Variants in EIF3A observed in about 807,000 individuals in gnomAD.
EIF3A encodes eukaryotic translation initiation factor 3 subunit A, also known as EIF3, p180 subunit.
EIF3A carries 21 observed loss-of-function variants against 186.6 expected under a neutral mutation model. The observed-to-expected ratio is 0.11, with a 90% CI of 0.08 to 0.16. The LOEUF (loss-of-function observed/expected upper bound fraction) is 0.16, where lower values mean the gene tolerates loss of function less well. Ranked by LOEUF, EIF3A falls within the 10% of genes least tolerant of loss-of-function variation. EIF3A has a pLI of 1.00. For missense variants in EIF3A, 1,306 were observed against 1,796.3 expected, an observed-to-expected ratio of 0.73 and a Z score of 4.93; for synonymous variants, 563 against 584.3, an observed-to-expected ratio of 0.96 and a Z score of 0.52.
chr10:119,059,574 C>T (rs1407510363), intron 10 of EIF3A, 28 bp downstream of exon 10: 2 of 1,554,942 alleles, frequency 1.3e-6, no homozygotes, highest in Non-Finnish European at 1.8e-6. Context: ...CAAGGGCCTT[C>T]TCCTGTCTCC....
chr10:119,062,542 T>C (rs1843906070), intron 7 of EIF3A, among the ~76,000 whole-genome samples: 1 of 152,162 alleles, frequency 6.6e-6, no homozygotes. Context: ...GGTATCCTTC[T>C]AGAAGTCTAC....
intron 17 of EIF3A, among the ~76,000 whole-genome samples, chr10:119,046,860 G>A (rs1289457075): frequency 1.3e-5 from 2 of 152,182 alleles, no homozygotes; most frequent in African/African-American, 2.4e-5. Flanking sequence ...GGGAGGCTGA[G>A]GCAGGAGAAT....
chr10:119,038,941 G>GA (rs1050999595), intron 19 of EIF3A, among the ~76,000 whole-genome samples: 5 of 150,568 alleles, frequency 3.3e-5, no homozygotes, highest in Admixed American at 6.6e-5. Context: ...AACAGGAAAA[G>GA]AAAAAAAAAT....
chr10:119,036,585 C>T (rs940566292), intron 21 of EIF3A, among the ~76,000 whole-genome samples: 2 of 152,074 alleles, frequency 1.3e-5, no homozygotes, highest in African/African-American at 2.4e-5. Flanking sequence ...AATTTTATAA[C>T]TGAAAGGATT....
In EIF3A at chr10:119,066,505, C is replaced by CAAAAAAAA. The variant is rs71016533; in HGVS notation, c.951-943_951-936dup. ...GCCTGGGGGGCAGAGTTAAGACTGT[C>CAAAAAAAA]AAAAAAAAAAAAAAAAAAAAAAAAA... is the stretch of plus-strand genomic sequence containing the variant. On this transcript the variant is annotated intron_variant, in intron 6 of 21. Coordinates refer to ENST00000369144, the MANE Select transcript of EIF3A (RefSeq NM_003750.4). 8.4e-5 allele frequency among the ~76,000 whole-genome samples: 4 copies of CAAAAAAAA among 47,498 alleles called. No homozygotes were observed. In the East Asian group the frequency reaches 2.6e-3, roughly 31 times the overall value. The allele number at this position is 47,498 out of a possible 152,430, so 31.2% of individuals were successfully genotyped here.
chr10:119,079,778 G>GA (rs1214513574), intron 1 of EIF3A, among the ~76,000 whole-genome samples: 2 of 152,126 alleles, frequency 1.3e-5, no homozygotes, highest in African/African-American at 4.8e-5. Context: ...GAAAAAAAGA[G>GA]AAAAAAGGAC....
At chr10:119,080,506 G>A (rs1252790851) in intron 1 of EIF3A, 122 bp downstream of exon 1, 7 of 1,405,960 alleles carry the variant, frequency 5.0e-6, no homozygotes, top group Non-Finnish European at 6.4e-6. Context: ...GCGGCGGGCA[G>A]GCCGCATCGG....
In EIF3A at chr10:119,080,659, C is replaced by T; in HGVS notation, c.18G>A (p.Gln6=). The change falls in exon 1 of 22, where the codon CAG becomes CAA. Residue 6 remains glutamine (Q), a synonymous_variant. Coordinates refer to ENST00000369144, the MANE Select transcript of EIF3A (RefSeq NM_003750.4). The stretch of plus-strand genomic sequence containing the variant: ...CGCGTTTGAGGGCATTTTCCGGCCT[C>T]TGAAAATAGGCCGGCATCTTGGCGG... MPAYF[Q]RPENALKRAN... is the part of the protein sequence containing the mutation. The T allele has an allele frequency of 6.3e-7, 1 of 1,596,744 alleles. No homozygotes were observed. Among genetic ancestry groups the T allele is most frequent in the Non-Finnish European group, 8.5e-7 (1 of 1,172,950 alleles).
chr10:119,065,444 T>C lies in EIF3A; in HGVS notation c.1077A>G (p.Leu359=). 1.2e-6 allele frequency: 2 copies of C among 1,613,862 alleles called. No homozygotes were observed. Among genetic ancestry groups the C allele is most frequent in the South Asian group, 1.1e-5 (1 of 91,070 alleles). ...VEKQRRLATL[L]GLQAPPTRIG... is the part of the protein sequence containing the mutation. ...TTCGTGTCGGTGGGGCTTGAAGACC[T>C]AGTAGTGTTGCAAGGCGACGCTGTT... is the stretch of plus-strand genomic sequence containing the variant. Residue 359 remains leucine (L), a synonymous_variant, in exon 7 of 22, where the codon CTA becomes CTG. Transcript: ENST00000369144.
chr10:119,065,887 G>A lies in EIF3A; in HGVS notation c.951-317C>T, dbSNP rs373739547. Among the ~76,000 whole-genome samples, 1,413 of 148,770 alleles carry A rather than the reference G, an allele frequency of 9.5e-3. 21 individuals are homozygous for A. Among genetic ancestry groups the A allele is most frequent in the African/African-American group, 0.032 (1,278 of 40,454 alleles). ...ATCCCAGCACTTTGGGAGGCCAAGG[G>A]GGGCACATCACGACGTCAAGAGATC... On this transcript the variant is annotated intron_variant, in intron 6 of 21. Transcript: ENST00000369144.
intron 12 of EIF3A, among the ~76,000 whole-genome samples, chr10:119,057,271 T>C (rs1348668766): frequency 6.6e-6 from 1 of 152,170 alleles, no homozygotes; most frequent in African/African-American, 2.4e-5. Context: ...CAGACTCTAC[T>C]AAATAGGGTA....
chr10:119,078,575 A>G (rs1350398907), intron 1 of EIF3A, among the ~76,000 whole-genome samples: 2 of 152,074 alleles, frequency 1.3e-5, no homozygotes, highest in Non-Finnish European at 2.9e-5. Context: ...CACTTTGAGA[A>G]GGGATCCCTC....
rs1445398569 is a variant in EIF3A at position 119,034,136 on chromosome 10, A to G, written c.*1903T>C. Reference sequence around the variant, plus strand: ...GCTTTCCTTTAACACCTGTTGGTAAATACTAATGGGAGTAGACAGAGTTGT... The same window carrying G: ...GCTTTCCTTTAACACCTGTTGGTAAGTACTAATGGGAGTAGACAGAGTTGT... On this transcript the variant is annotated 3_prime_UTR_variant, in exon 22 of 22. Coordinates refer to ENST00000369144, the MANE Select transcript of EIF3A (RefSeq NM_003750.4). 1.2e-5 allele frequency: 2 copies of G among 167,110 alleles called. No homozygotes were observed. The highest frequency in any genetic ancestry group is 2.9e-5 in the Non-Finnish European group (2 of 68,140). The allele number at this position is 167,110 out of a possible 1,614,324, so 10.4% of individuals were successfully genotyped here. A position where few individuals can be genotyped will look rare whatever the true frequency, so the allele number is the denominator to read the frequency against.
intron 14 of EIF3A, among the ~76,000 whole-genome samples, chr10:119,054,443 G>C (rs1407163793): frequency 6.6e-6 from 1 of 151,632 alleles, no homozygotes; most frequent in African/African-American, 2.4e-5. Context: ...GGCCAGGCAC[G>C]GTGGCTCATG....
chr10:119,040,064 C>T (rs112579633), intron 19 of EIF3A, among the ~76,000 whole-genome samples: 2,451 of 152,214 alleles, frequency 0.016, 68 homozygotes, highest in African/African-American at 0.056. Flanking sequence ...AGGTAACAGC[C>T]GAACAGCAGA....
rs1277862062 is a variant in EIF3A, at chr10:119,073,044, T to A, written c.387A>T (p.Leu129=). ...DNIQTPESVL[L]SAVSGEDTQD... is the part of the protein sequence containing the mutation. ...GAGTGTCTTCACCACTTACAGCACT[T>A]AGGAGAACACTACAAAGAAAAAAAT... The change falls in exon 4 of 22, where the codon CTA becomes CTT. Residue 129 remains leucine, a synonymous_variant. Transcript: ENST00000369144. 2.5e-6 allele frequency: 4 copies of A among 1,605,434 alleles called. No homozygotes were observed. The highest frequency in any genetic ancestry group is 1.3e-5 in the African/African-American group (1 of 74,322).
At chr10:119,056,574 C>T (rs539698114) in intron 14 of EIF3A, among the ~76,000 whole-genome samples, 166 bp downstream of exon 14, 51 of 152,296 alleles carry the variant, frequency 3.3e-4, no homozygotes, top group African/African-American at 9.9e-4. Flanking sequence ...TTTGTAATCT[C>T]TATTGTGAAA....
At chr10:119,036,369 C>A in intron 21 of EIF3A, 101 bp from the exon 22 acceptor site, 1 of 712,194 alleles carries the variant, frequency 1.4e-6, no homozygotes, top group Non-Finnish European at 2.3e-6. Context: ...ATACAGAAAT[C>A]ATTGTTAAAT....
intron 20 of EIF3A, among the ~76,000 whole-genome samples, chr10:119,037,782 C>T (rs1023134135): frequency 2.6e-5 from 4 of 152,080 alleles, no homozygotes; most frequent in Non-Finnish European, 5.9e-5. Flanking sequence ...ACTGACTGCC[C>T]TAAACCACAG....
Sources: gnomAD v4.1 joint callset for allele counts (sites outside exome capture counted in the v4.1 genomes callset) on GRCh38, gnomAD v4.1.1 for gene constraint, MANE v1.5 for transcripts, NCBI Gene and HGNC (gene_info 2026-07-23, HGNC 2026-07-21) for gene names.